Variants in SYNE1 observed in about 807,000 individuals in gnomAD.
SYNE1 encodes spectrin repeat containing nuclear envelope protein 1, also known as nesprin-1.
In SYNE1, 616 loss-of-function variants were observed where a neutral mutation model predicts 1,111.0. That is an observed-to-expected ratio of 0.55 (90% confidence interval 0.52 to 0.59). SYNE1 has a LOEUF of 0.59. Among genes scored for constraint, SYNE1 ranks in the 20% least tolerant of loss-of-function variants. SYNE1 has a pLI of 0.00. For missense variants in SYNE1, 10,006 were observed against 10,417.0 expected (o/e 0.96, Z 1.72); for synonymous variants, 3,855 against 3,825.8 (o/e 1.01, Z -0.28).
At chr6:152,478,150 G>A (rs1428915926) in intron 14 of SYNE1, among the ~76,000 whole-genome samples, 3 of 152,198 alleles carry the variant, frequency 2.0e-5, no homozygotes, top group Non-Finnish European at 4.4e-5. Flanking sequence ...GCCATTGGAT[G>A]AGGAATGAGG....
At chr6:152,194,634 G>C (rs2073606329) in intron 127 of SYNE1, among the ~76,000 whole-genome samples, 1 of 152,106 alleles carries the variant, frequency 6.6e-6, no homozygotes, top group South Asian at 2.1e-4. Flanking sequence ...AGGCCAATAA[G>C]TCTTAGATTT....
chr6:152,199,743 G>A (rs1357325267), intron 127 of SYNE1, among the ~76,000 whole-genome samples: 1 of 152,168 alleles, frequency 6.6e-6, no homozygotes, highest in Non-Finnish European at 1.5e-5. Flanking sequence ...TGCTGTCTGA[G>A]GCTAACTTCC....
At chr6:152,381,705 T>G (rs1052044121) in intron 55 of SYNE1, 5 of 348,776 alleles carry the variant, frequency 1.4e-5, no homozygotes, top group Non-Finnish European at 2.7e-5. Context: ...AACCCATATT[T>G]CCCTCAAAGT....
chr6:152,259,498 T>A (rs1490554033), intron 101 of SYNE1, among the ~76,000 whole-genome samples: 1 of 152,156 alleles, frequency 6.6e-6, no homozygotes, highest in Non-Finnish European at 1.5e-5. Context: ...AACTAGTAAG[T>A]ATTTCTAGGA....
In SYNE1 at chr6:152,193,572, C is replaced by T. The variant is rs191910411; in HGVS notation, c.23146-4165G>A. Among the ~76,000 whole-genome samples the T allele has an allele frequency of 2.1e-3, 319 of 152,196 alleles. 2 individuals are homozygous for T. The highest frequency in any genetic ancestry group is 6.9e-3 in the Admixed American group (105 of 15,290). On this transcript the variant is annotated intron_variant, in intron 127 of 145. Transcript: ENST00000367255. ...GCCTCAAGTGATCCACCCACCTTGG[C>T]CTCCTAAAGTGCTGGGAATACAGGT...
intron 60 of SYNE1, 34 bp from the exon 61 acceptor site, chr6:152,369,161 TG>T: frequency 1.2e-6 from 2 of 1,609,300 alleles, no homozygotes. Flanking sequence ...ATTCAGAGGC[TG>T]GGGAAAAGCA....
At chr6:152,456,191 A>G in intron 22 of SYNE1, 147 bp from the exon 23 acceptor site, 3 of 755,442 alleles carry the variant, frequency 4.0e-6, no homozygotes. Flanking sequence ...AGTATGGTGG[A>G]ACATTTCAAA....
intron 6 of SYNE1, among the ~76,000 whole-genome samples, chr6:152,517,733 T>C (rs2099119015): frequency 6.6e-6 from 1 of 152,108 alleles, no homozygotes; most frequent in East Asian, 1.9e-4. Flanking sequence ...CAAAATGCAT[T>C]TATGGTATGC....
rs757679476 is a variant in SYNE1 at position 152,352,075 on chromosome 6, T to A, written c.11532A>T (p.Glu3844Asp). Residue 3844 changes from glutamate (E) to aspartate (D), a missense_variant, in exon 70 of 146, where the codon GAA becomes GAT. Coordinates refer to ENST00000367255, the MANE Select transcript of SYNE1 (RefSeq NM_182961.4). ...EYQEILHVPE[E>D]PKMELYEKKA... ...TTTTCTCATATAATTCCATTTTGGGTTCTTCAGGAACATGTAGAATTTCCT... is the reference window on the plus strand; with the variant it reads ...TTTTCTCATATAATTCCATTTTGGGATCTTCAGGAACATGTAGAATTTCCT... The A allele has an allele frequency of 1.9e-6, 3 of 1,614,206 alleles. No homozygotes were observed. The South Asian group carries it at 3.3e-5, about 18-fold the overall frequency.
Position 152,211,486 on chromosome 6 carries a change from G to GA in SYNE1, c.22589+7dup. The GA allele has an allele frequency of 6.2e-7, 1 of 1,609,624 alleles. No homozygotes were observed. The highest frequency in any genetic ancestry group is 8.5e-7 in the Non-Finnish European group (1 of 1,176,210). On this transcript the variant is annotated splice_region_variant and intron_variant, in intron 124 of 145. Transcript: ENST00000367255. ...CCTTTCTTTGTAATAATTTATCAAA[G>GA]ATCCTACCTGTCATCAACTTGACCT... is the stretch of plus-strand genomic sequence containing the variant.
At chr6:152,417,388 C>A (rs7757558) in intron 40 of SYNE1, among the ~76,000 whole-genome samples, 1 of 151,928 alleles carries the variant, frequency 6.6e-6, no homozygotes, top group Non-Finnish European at 1.5e-5. Context: ...GTCCCAGCTA[C>A]TCGGGAGGCT....
chr6:152,143,549 C>T, intron 138 of SYNE1, 74 bp downstream of exon 138: 2 of 1,607,366 alleles, frequency 1.2e-6, no homozygotes, highest in South Asian at 2.2e-5. Flanking sequence ...AGCCCTGATG[C>T]TGCAGACGAA....
chr6:152,234,530 T>G, intron 111 of SYNE1, 138 bp downstream of exon 111: 1 of 960,670 alleles, frequency 1.0e-6, no homozygotes, highest in Non-Finnish European at 1.7e-6. Context: ...CCTGACCTCG[T>G]GATCTGACTG....
intron 5 of SYNE1, among the ~76,000 whole-genome samples, chr6:152,525,353 T>G (rs2099158891): frequency 6.6e-6 from 1 of 152,210 alleles, no homozygotes; most frequent in Non-Finnish European, 1.5e-5. Flanking sequence ...GTCTAGTGTG[T>G]TATCCAACAT....
At chr6:152,410,038 AT>A (rs2097994806) in intron 42 of SYNE1, among the ~76,000 whole-genome samples, 3 of 152,240 alleles carry the variant, frequency 2.0e-5, no homozygotes, top group African/African-American at 7.2e-5. Flanking sequence ...AAATATATAT[AT>A]TTTTAATTGT....
In SYNE1 at chr6:152,276,824, A is replaced by G. The variant is rs2093653903; in HGVS notation, c.18573+1265T>C. 2.0e-5 allele frequency among the ~76,000 whole-genome samples: 3 copies of G among 148,282 alleles called. No individual in the cohort carries two copies. In the South Asian group the frequency reaches 6.4e-4, roughly 31 times the overall value. On this transcript the variant is annotated intron_variant, in intron 98 of 145. Transcript: ENST00000367255. ...GGGGCAGCTAATGGGCTTCTAAACT[A>G]TTTGGTCCCTGGCTTACTTAGCAAG...
intron 14 of SYNE1, 121 bp downstream of exon 14, chr6:152,482,964 G>A (rs1437382866): frequency 1.6e-5 from 18 of 1,119,716 alleles, no homozygotes; most frequent in South Asian, 3.7e-5. Context: ...AAGGTGTGAC[G>A]TCTCCGATCA....
intron 40 of SYNE1, among the ~76,000 whole-genome samples, 186 bp downstream of exon 40, chr6:152,419,383 T>G (rs187665608): frequency 3.3e-4 from 51 of 152,358 alleles, no homozygotes; most frequent in African/African-American, 1.2e-3. Flanking sequence ...TGGCTTTATC[T>G]GCTTAATTGG....
intron 103 of SYNE1, 115 bp from the exon 104 acceptor site, chr6:152,255,204 G>A: frequency 1.1e-6 from 1 of 928,542 alleles, no homozygotes; most frequent in Non-Finnish European, 1.7e-6. Context: ...GTAATAATCA[G>A]ACCTAAGACA....
Sources: allele counts gnomAD v4.1 joint callset (sites outside exome capture counted in the v4.1 genomes callset), GRCh38; gene constraint gnomAD v4.1.1; transcripts MANE v1.5; gene names NCBI Gene and HGNC (gene_info 2026-07-23, HGNC 2026-07-21).